THSD7A: variants seen among roughly 807,000 people sequenced by gnomAD.
THSD7A encodes thrombospondin type 1 domain containing 7A.
A neutral mutation model predicts 231.3 loss-of-function variants in THSD7A; 96 were observed. The observed-to-expected ratio is 0.41, with a 90% CI of 0.35 to 0.49. The LOEUF (loss-of-function observed/expected upper bound fraction) is 0.49, where lower values mean the gene tolerates loss of function less well. THSD7A is among the 20% of genes least tolerant of loss of function. THSD7A has a pLI of 0.05. For synonymous variants in THSD7A, 940 were observed against 743.3 expected (o/e 1.26, Z -4.30); for missense variants, 2,290 against 2,070.2 (o/e 1.11, Z -2.06).
At chr7:11,818,430 T>C (rs1018896299) in intron 1 of THSD7A, among the ~76,000 whole-genome samples, 1 of 152,232 alleles carries the variant, frequency 6.6e-6, no homozygotes, top group Non-Finnish European at 1.5e-5. Flanking sequence ...GGTCATTGTT[T>C]ACCTGTCTCC....
chr7:11,453,604 C>A (rs1431762144), intron 11 of THSD7A, among the ~76,000 whole-genome samples: 1 of 151,682 alleles, frequency 6.6e-6, no homozygotes, highest in Non-Finnish European at 1.5e-5. Flanking sequence ...CGGGGTAGAC[C>A]CTAGAAAATA....
At chr7:11,771,222 G>A (rs1783218637) in intron 1 of THSD7A, among the ~76,000 whole-genome samples, 1 of 150,998 alleles carries the variant, frequency 6.6e-6, no homozygotes, top group Non-Finnish European at 1.5e-5. Flanking sequence ...ATTTACATTG[G>A]AATTTTTTAA....
chr7:11,523,939 T>C (rs540806809), intron 6 of THSD7A, among the ~76,000 whole-genome samples: 79 of 152,240 alleles, frequency 5.2e-4, no homozygotes, highest in Non-Finnish European at 8.4e-4. Flanking sequence ...TTACTAGACA[T>C]GGTATAGATT....
chr7:11,511,534 T>C (rs1408790434), intron 6 of THSD7A, among the ~76,000 whole-genome samples: 5 of 152,138 alleles, frequency 3.3e-5, no homozygotes, highest in African/African-American at 9.7e-5. Context: ...CTTCAAACTA[T>C]ACCACAAGGC....
chr7:11,805,878 G>A (rs993024404), intron 1 of THSD7A, among the ~76,000 whole-genome samples: 1 of 152,002 alleles, frequency 6.6e-6, no homozygotes, highest in Admixed American at 6.6e-5. Flanking sequence ...TATTTCACGT[G>A]TTTTGACTGT....
intron 1 of THSD7A, among the ~76,000 whole-genome samples, chr7:11,731,938 T>C (rs1781750245): frequency 6.6e-6 from 1 of 151,708 alleles, no homozygotes; most frequent in Non-Finnish European, 1.5e-5. Context: ...TATTTTAGCA[T>C]CAGAATCCTT....
chr7:11,585,033 C>T (rs1791337319), intron 4 of THSD7A, among the ~76,000 whole-genome samples: 2 of 152,140 alleles, frequency 1.3e-5, no homozygotes, highest in African/African-American at 2.4e-5. Context: ...TTATTAAAAA[C>T]CTACCAAGTC....
At chr7:11,825,798 C>A (rs79374221) in intron 1 of THSD7A, among the ~76,000 whole-genome samples, 1 of 152,106 alleles carries the variant, frequency 6.6e-6, no homozygotes, top group Non-Finnish European at 1.5e-5. Context: ...GATTGATTAA[C>A]GCTGACGCTC....
At chr7:11,392,276 C>T (rs112920337) in intron 23 of THSD7A, among the ~76,000 whole-genome samples, 2 of 151,962 alleles carry the variant, frequency 1.3e-5, no homozygotes, top group African/African-American at 2.4e-5. Context: ...GTTGCCTCAC[C>T]TGGGAAGTGC....
At chr7:11,778,697 A>G (rs538971362) in intron 1 of THSD7A, among the ~76,000 whole-genome samples, 43 of 152,190 alleles carry the variant, frequency 2.8e-4, no homozygotes, top group Admixed American at 2.6e-4. Flanking sequence ...TTAAAAGAAA[A>G]TAAATGAAGA....
intron 1 of THSD7A, among the ~76,000 whole-genome samples, chr7:11,645,544 T>C (rs1782248011): frequency 1.3e-5 from 2 of 151,880 alleles, no homozygotes; most frequent in African/African-American, 2.4e-5. Flanking sequence ...ACAAGTTTGT[T>C]ATAAGGCAAA....
At chr7:11,384,540 T>C (rs888801155) in intron 23 of THSD7A, 2 of 151,988 alleles carry the variant, frequency 1.3e-5, no homozygotes, top group African/African-American at 4.8e-5. Flanking sequence ...TTGTATGTGA[T>C]GTAAGCTAAA....
intron 1 of THSD7A, among the ~76,000 whole-genome samples, chr7:11,703,198 C>A (rs117566104): frequency 0.016 from 2,476 of 151,296 alleles, 28 homozygotes; most frequent in Admixed American, 0.037. Context: ...TTCCTGGCAG[C>A]GTTCAAACTC....
At chr7:11,537,467 G>T (rs1788960555) in intron 6 of THSD7A, among the ~76,000 whole-genome samples, 1 of 152,152 alleles carries the variant, frequency 6.6e-6, no homozygotes, top group Middle Eastern at 3.2e-3. Flanking sequence ...GAGTTCTCAT[G>T]AGATCTGGTT....
intron 4 of THSD7A, among the ~76,000 whole-genome samples, chr7:11,571,423 C>T (rs1790624474): frequency 6.6e-6 from 1 of 152,206 alleles, no homozygotes; most frequent in African/African-American, 2.4e-5. Context: ...AAATCATTGG[C>T]CGTGCCTTAT....
intron 13 of THSD7A, among the ~76,000 whole-genome samples, chr7:11,430,375 C>T (rs34105511): frequency 0.09 from 13,747 of 152,228 alleles, 839 homozygotes; most frequent in Non-Finnish European, 0.14. Context: ...CCTTCCTCAT[C>T]CCCTGACAAC....
chr7:11,410,474 G>A (rs1485783612), intron 19 of THSD7A: 1 of 152,122 alleles, frequency 6.6e-6, no homozygotes, highest in Non-Finnish European at 1.5e-5. Context: ...TATCTTGGTT[G>A]GTATTTGACC....
intron 1 of THSD7A, among the ~76,000 whole-genome samples, chr7:11,710,705 T>C (rs1255884957): frequency 1.3e-5 from 2 of 150,848 alleles, no homozygotes; most frequent in African/African-American, 4.8e-5. Flanking sequence ...TCTTTATTAT[T>C]TTATCCAAGA....
chr7:11,797,673 C>T (rs1784165856), intron 1 of THSD7A, among the ~76,000 whole-genome samples: 1 of 152,050 alleles, frequency 6.6e-6, no homozygotes, highest in African/African-American at 2.4e-5. Context: ...CCCACCTCGG[C>T]CTCCTAAAGT....
Sources: gnomAD v4.1 joint callset for allele counts (sites outside exome capture counted in the v4.1 genomes callset) on GRCh38, gnomAD v4.1.1 for gene constraint, MANE v1.5 for transcripts, NCBI Gene and HGNC (gene_info 2026-07-23, HGNC 2026-07-21) for gene names.